DMD: variants seen among roughly 807,000 people sequenced by gnomAD.
DMD encodes mutant dystrophin.
DMD carries 63 observed loss-of-function variants against 330.1 expected under a neutral mutation model. The ratio of observed to expected loss-of-function variants is 0.19; its 90% confidence interval spans 0.16 to 0.24. The LOEUF (loss-of-function observed/expected upper bound fraction) is 0.24, where lower values mean the gene tolerates loss of function less well. DMD is among the 10% of genes least tolerant of loss of function. DMD has a pLI of 1.00. For synonymous variants in DMD, 1,223 were observed against 959.8 expected (o/e 1.27, Z -5.07); for missense variants, 3,344 against 2,684.1 (o/e 1.25, Z -5.43).
rs765623947 is a variant in DMD, at chrX:32,666,084, GA to G, written c.961-20933del. Among the ~76,000 whole-genome samples, 857 of 111,481 alleles carry G rather than the reference GA, an allele frequency of 7.7e-3. 2 individuals carry two copies. The highest frequency in any genetic ancestry group is 0.013 in the Non-Finnish European group (695 of 53,110). On this transcript the variant is annotated intron_variant, in intron 9 of 78. Coordinates refer to ENST00000357033, the MANE Select transcript of DMD (RefSeq NM_004006.3). ...CTTCAACAAAACAGAAGTAGGGAAA[GA>G]GGGGGAGATGACAGACTTCTGACAT...
intron 33 of DMD, among the ~76,000 whole-genome samples, chrX:32,381,003 A>C (rs1229173050): frequency 9.0e-6 from 1 of 110,803 alleles, no homozygotes; most frequent in African/African-American, 3.3e-5. Flanking sequence ...TGAAGATAAA[A>C]CTCATTTCTC....
intron 21 of DMD, among the ~76,000 whole-genome samples, chrX:32,479,935 T>G (rs1486937222): frequency 9.0e-6 from 1 of 110,824 alleles, no homozygotes; most frequent in African/African-American, 3.3e-5. Context: ...AAAAAGCTCC[T>G]GCACAGGAAA....
At position 33,123,729 on chromosome X, in the gene DMD, T is replaced by G. The variant is rs567499856; in HGVS notation, c.31+87553A>C. Among the ~76,000 whole-genome samples the G allele has an allele frequency of 4.1e-4, 45 of 108,624 alleles. 1 individual carries two copies. The South Asian group carries it at 0.017, about 42-fold the overall frequency. The allele number at this position is 108,624 out of a possible 115,157, so 94.3% of individuals were successfully genotyped here. ...CACCACGCCCGGTTCAAATGAGTTT[T>G]TTTTTTTTTTTTTCAGTCCAATATT... On this transcript the variant is annotated intron_variant, in intron 1 of 78. Coordinates refer to ENST00000357033, the MANE Select transcript of DMD (RefSeq NM_004006.3).
chrX:31,181,262 A>G (rs981713303), intron 68 of DMD, among the ~76,000 whole-genome samples: 3 of 111,804 alleles, frequency 2.7e-5, no homozygotes, highest in African/African-American at 9.8e-5. Flanking sequence ...CATATTTCTT[A>G]TGTCACATAT....
intron 1 of DMD, among the ~76,000 whole-genome samples, chrX:33,163,618 C>CTATCTA (rs754180697): frequency 8.0e-5 from 2 of 24,849 alleles, no homozygotes; most frequent in Non-Finnish European, 1.2e-4. Flanking sequence ...CTATATCTAT[C>CTATCTA]TCTATCTATC....
chrX:31,479,225 C>T (rs769453195), intron 57 of DMD, 122 bp from the exon 58 acceptor site: 27 of 786,394 alleles, frequency 3.4e-5, no homozygotes, highest in Non-Finnish European at 4.8e-5. Flanking sequence ...TTTATTTATA[C>T]ACTGATGGTT....
intron 2 of DMD, among the ~76,000 whole-genome samples, chrX:32,997,046 G>A (rs1239172911): frequency 9.0e-6 from 1 of 111,390 alleles, no homozygotes; most frequent in South Asian, 3.7e-4. Flanking sequence ...GTGTAGTTTT[G>A]TTACATGCAT....
intron 43 of DMD, among the ~76,000 whole-genome samples, chrX:32,279,918 CAT>C (rs200154689): frequency 0.15 from 13,544 of 87,788 alleles, 980 homozygotes; most frequent in Admixed American, 0.29. Flanking sequence ...TCATGTACCC[CAT>C]ATATATATAT....
At chrX:31,180,291 A>G (rs2041020618) in intron 69 of DMD, 79 bp downstream of exon 69, 1 of 686,199 alleles carries the variant, frequency 1.5e-6, no homozygotes, top group East Asian at 3.3e-5. Context: ...ACAGCATTAT[A>G]CATGATCTGC....
At chrX:32,974,916 C>T (rs2092495222) in intron 2 of DMD, among the ~76,000 whole-genome samples, 2 of 111,867 alleles carry the variant, frequency 1.8e-5, no homozygotes, top group African/African-American at 6.5e-5. Context: ...GTATTAATGA[C>T]TTTATTTGGT....
rs973420131 is a variant in DMD, at chrX:32,381,317, A to G, written c.4675-637T>C. Among the ~76,000 whole-genome samples, 3 of 111,466 alleles carry G rather than the reference A, an allele frequency of 2.7e-5. No homozygotes were observed. In the Admixed American group the frequency reaches 2.9e-4, roughly 11 times the overall value. On this transcript the variant is annotated intron_variant, in intron 33 of 78. Transcript: ENST00000357033. ...AGACAATATTCATTCCCATTAATAG[A>G]AAAACTAATTACTTGATCCTGTGCT...
At chrX:32,673,852 C>T (rs2147232757) in intron 9 of DMD, among the ~76,000 whole-genome samples, 1 of 111,891 alleles carries the variant, frequency 8.9e-6, no homozygotes, top group Admixed American at 9.5e-5. Context: ...AGCCTAAAAC[C>T]AAATCATAGA....
chrX:31,980,982 A>C (rs1369081617), intron 44 of DMD, among the ~76,000 whole-genome samples: 1 of 112,236 alleles, frequency 8.9e-6, no homozygotes, highest in Non-Finnish European at 1.9e-5. Flanking sequence ...CACACAGTAC[A>C]TATGGACCCT....
chrX:32,844,773 T>A lies in DMD; in HGVS notation c.264+10A>T, dbSNP rs1489424257. The A allele has an allele frequency of 8.3e-7, 1 of 1,201,985 alleles. No homozygotes were observed. The highest frequency in any genetic ancestry group is 1.1e-6 in the Non-Finnish European group (1 of 886,617). On this transcript the variant is annotated intron_variant, in intron 4 of 78. Coordinates refer to ENST00000357033, the MANE Select transcript of DMD (RefSeq NM_004006.3). ...CACAGCATCCAGACCTTGTCCAGGG[T>A]ACTACTTACATTATTGTTCTGCAAA...
At chrX:32,328,890 CTCT>C (rs961547310) in intron 41 of DMD, among the ~76,000 whole-genome samples, 13 of 111,603 alleles carry the variant, frequency 1.2e-4, no homozygotes, top group Admixed American at 9.6e-5. Context: ...TAAAAAATTG[CTCT>C]TTTTTTTCTT....
chrX:31,571,579 C>G (rs2075823058), intron 55 of DMD, among the ~76,000 whole-genome samples: 1 of 111,201 alleles, frequency 9.0e-6, no homozygotes, highest in Admixed American at 9.7e-5. Context: ...AGCTATATTT[C>G]AATTGCTCAG....
At chrX:32,882,542 T>A (rs2084059218) in intron 2 of DMD, among the ~76,000 whole-genome samples, 1 of 112,113 alleles carries the variant, frequency 8.9e-6, no homozygotes, top group Admixed American at 9.5e-5. Flanking sequence ...CCACATATTA[T>A]ATTCCACTAT....
intron 2 of DMD, among the ~76,000 whole-genome samples, chrX:33,013,749 A>G (rs976174502): frequency 8.9e-6 from 1 of 112,790 alleles, no homozygotes; most frequent in African/African-American, 3.2e-5. Context: ...TTGTCCCAGT[A>G]TCATCCTTTT....
At chrX:31,592,585 A>C (rs2076930290) in intron 55 of DMD, among the ~76,000 whole-genome samples, 1 of 109,571 alleles carries the variant, frequency 9.1e-6, no homozygotes, top group Non-Finnish European at 1.9e-5. Flanking sequence ...ACCAAATTAA[A>C]TATTTGTCTT....
Sources: gnomAD v4.1 joint callset for allele counts (sites outside exome capture counted in the v4.1 genomes callset) on GRCh38, gnomAD v4.1.1 for gene constraint, MANE v1.5 for transcripts, NCBI Gene and HGNC (gene_info 2026-07-23, HGNC 2026-07-21) for gene names.